SLC11A2: variants seen among roughly 807,000 people sequenced by gnomAD.
The protein encoded by SLC11A2 is solute carrier family 11 member 2, also known as natural resistance-associated macrophage protein 2.
A neutral mutation model predicts 68.0 loss-of-function variants in SLC11A2; 38 were observed. The observed-to-expected ratio is 0.56, with a 90% confidence interval of 0.43 to 0.73. SLC11A2 has a LOEUF of 0.73. Among genes scored for constraint, SLC11A2 ranks in the 30% least tolerant of loss-of-function variants. The pLI is 0.00. For missense variants in SLC11A2, 517 were observed against 690.5 expected (o/e 0.75, Z 2.82); for synonymous variants, 242 against 250.6 (o/e 0.97, Z 0.32).
intron 1 of SLC11A2, among the ~76,000 whole-genome samples, chr12:51,011,994 A>G (rs1353399883): frequency 2.0e-5 from 3 of 152,218 alleles, no homozygotes; most frequent in Non-Finnish European, 4.4e-5. Context: ...GAAGGCCACT[A>G]TTTGGCAGCC....
downstream of SLC11A2, among the ~76,000 whole-genome samples, chr12:50,985,466 C>G (rs1354709542): frequency 6.6e-6 from 1 of 152,154 alleles, no homozygotes; most frequent in Non-Finnish European, 1.5e-5. Flanking sequence ...TCAAGTTTTC[C>G]TGTCATGTGC....
At chr12:51,007,352 T>C (rs1942811820) in intron 3 of SLC11A2, among the ~76,000 whole-genome samples, 1 of 152,164 alleles carries the variant, frequency 6.6e-6, no homozygotes, top group Non-Finnish European at 1.5e-5. Context: ...TGTTTGGTTT[T>C]GAGACAGAGT....
In SLC11A2 at chr12:50,987,533, C is replaced by T. The variant is rs1246843113; in HGVS notation, c.*792G>A. On this transcript the variant is annotated 3_prime_UTR_variant, in exon 16 of 16. Coordinates refer to ENST00000262052, the MANE Select transcript of SLC11A2 (RefSeq NM_000617.3). ...GAGAAAGAAAGTTAAGGTTTTACAA[C>T]CACATGTGCTCAAGAGTAAATATCA... is the stretch of plus-strand genomic sequence containing the variant. 5 of 1,287,210 alleles carry T rather than the reference C, an allele frequency of 3.9e-6. No homozygotes were observed. The highest frequency in any genetic ancestry group is 5.1e-6 in the Non-Finnish European group (5 of 988,694). The allele number at this position is 1,287,210 out of a possible 1,614,324, so 79.7% of individuals were successfully genotyped here. A position where few individuals can be genotyped will look rare whatever the true frequency, so the allele number is the denominator to read the frequency against.
intron 1 of SLC11A2, among the ~76,000 whole-genome samples, chr12:51,016,804 G>C (rs1204691432): frequency 1.4e-5 from 2 of 144,158 alleles, no homozygotes; most frequent in African/African-American, 5.2e-5. Flanking sequence ...CCGAGATCGC[G>C]CCACTGCACT....
At chr12:51,028,384 C>A, upstream of SLC11A2, 2 of 547,914 alleles carry the variant, frequency 3.7e-6, no homozygotes, top group Non-Finnish European at 6.5e-6. Flanking sequence ...CCACGCCCTC[C>A]AAAGCCTAAT....
chr12:50,994,793 G>C, intron 10 of SLC11A2, 163 bp from the exon 11 acceptor site: 1 of 633,434 alleles, frequency 1.6e-6, no homozygotes, highest in East Asian at 2.8e-5. Context: ...TGTTATCTAG[G>C]ATCTTCCTCT....
Position 50,987,216 on chromosome 12 carries a change from C to T in SLC11A2, c.*1109G>A, listed in dbSNP as rs1294824620. On this transcript the variant is annotated 3_prime_UTR_variant, in exon 16 of 16. Transcript: ENST00000262052. ...AGAGAGGTAGCCCAGTTCAACTTTG[C>T]TGAGACAGTGAACTTTGCAACCATA... is the stretch of plus-strand genomic sequence containing the variant. 3 of 1,286,996 alleles carry T rather than the reference C, an allele frequency of 2.3e-6. No individual in the cohort carries two copies. The highest frequency in any genetic ancestry group is 2.0e-6 in the Non-Finnish European group (2 of 988,618). The allele number at this position is 1,286,996 out of a possible 1,614,324, so 79.7% of individuals were successfully genotyped here. A position where few individuals can be genotyped will look rare whatever the true frequency, so the allele number is the denominator to read the frequency against.
At position 50,995,780 on chromosome 12, in the gene SLC11A2, T is replaced by C. The variant is rs144760146; in HGVS notation, c.839A>G (p.Gln280Arg). 23 of 1,613,988 alleles carry C rather than the reference T, an allele frequency of 1.4e-5. No homozygotes were observed. The highest frequency in any genetic ancestry group is 1.9e-5 in the Non-Finnish European group (23 of 1,179,916). ...YLHSALVKSR[Q>R]VNRNNKQEVR... ...TTCCTGCTTATTGTTCCGGTTTACC[T>C]GTCTAGACTAGAAAGATAACAACAG... is the stretch of plus-strand genomic sequence containing the variant. The change falls in exon 10 of 16, where the codon CAG becomes CGG. Residue 280 changes from glutamine (Q) to arginine (R), a missense_variant. Transcript: ENST00000262052.
At chr12:51,008,870 C>A (rs936021022) in intron 2 of SLC11A2, among the ~76,000 whole-genome samples, 3 of 152,020 alleles carry the variant, frequency 2.0e-5, no homozygotes, top group Admixed American at 2.0e-4. Context: ...CTCCCTCCCC[C>A]TCCCCCAGTC....
At chr12:50,983,228 G>A (rs1468009057), downstream of SLC11A2, among the ~76,000 whole-genome samples, 1 of 152,128 alleles carries the variant, frequency 6.6e-6, no homozygotes, top group African/African-American at 2.4e-5. Flanking sequence ...TTCCTAGGCT[G>A]GCTATGAAGT....
chr12:51,014,678 C>A (rs1040024049), intron 1 of SLC11A2, among the ~76,000 whole-genome samples: 2 of 151,972 alleles, frequency 1.3e-5, no homozygotes, highest in Admixed American at 1.3e-4. Context: ...ATGGGTGAAA[C>A]CCCGTCTCTA....
At chr12:50,978,057 G>A (rs1395424324), downstream of SLC11A2, among the ~76,000 whole-genome samples, 1 of 152,162 alleles carries the variant, frequency 6.6e-6, no homozygotes, top group Admixed American at 6.5e-5. Flanking sequence ...CTGTAAACTG[G>A]TTCAACCATT....
chr12:51,002,679 C>T (rs1032090376), intron 5 of SLC11A2, among the ~76,000 whole-genome samples: 4 of 149,836 alleles, frequency 2.7e-5, no homozygotes, highest in Admixed American at 6.7e-5. Context: ...CAGTAGCTCA[C>T]GCCTGTAATC....
chr12:51,013,211 TG>T (rs1230350655), intron 1 of SLC11A2, among the ~76,000 whole-genome samples: 1 of 152,108 alleles, frequency 6.6e-6, no homozygotes, highest in East Asian at 1.9e-4. Context: ...CAATCAGTTC[TG>T]AGAATATTAC....
chr12:51,026,171 C>T, intron 1 of SLC11A2, 139 bp downstream of exon 1: 1 of 1,169,294 alleles, frequency 8.6e-7, no homozygotes, highest in East Asian at 7.6e-5. Flanking sequence ...GCCACACCTC[C>T]CCTCACAGCC....
chr12:50,963,001 T>C, the SLC11A2 span, among the ~76,000 whole-genome samples: 3 of 147,496 alleles, frequency 2.0e-5, no homozygotes, highest in African/African-American at 7.7e-5. Context: ...GTATTTGAAC[T>C]TATATAATTA....
At chr12:50,963,344 T>C in the SLC11A2 span, among the ~76,000 whole-genome samples, 1 of 117,720 alleles carries the variant, frequency 8.5e-6, no homozygotes, top group Admixed American at 1.2e-4. Flanking sequence ...CACTCCAGCC[T>C]GGGTGAAAGG....
At chr12:50,991,521 G>T in intron 14 of SLC11A2, 78 bp downstream of exon 14, 1 of 1,107,922 alleles carries the variant, frequency 9.0e-7, no homozygotes, top group Non-Finnish European at 1.4e-6. Flanking sequence ...TGTGTCTCAC[G>T]TCTGACTGGC....
intron 5 of SLC11A2, among the ~76,000 whole-genome samples, chr12:51,001,301 T>C (rs952204782): frequency 1.3e-5 from 2 of 152,000 alleles, no homozygotes; most frequent in African/African-American, 4.8e-5. Flanking sequence ...AAACCCCATC[T>C]CTACAAAAAG....
Sources: allele counts gnomAD v4.1 joint callset (sites outside exome capture counted in the v4.1 genomes callset), GRCh38; gene constraint gnomAD v4.1.1; transcripts MANE v1.5; gene names NCBI Gene and HGNC (gene_info 2026-07-23, HGNC 2026-07-21).